Variants in NRG3 observed in about 807,000 individuals in gnomAD.
NRG3 encodes the protein neuregulin 3, also known as pro-neuregulin-3, membrane-bound isoform.
A neutral mutation model predicts 66.9 loss-of-function variants in NRG3; 31 were observed. The ratio of observed to expected loss-of-function variants is 0.46; its 90% CI spans 0.35 to 0.63. NRG3 has a LOEUF of 0.63. Among genes scored for constraint, NRG3 ranks in the 20% least tolerant of loss-of-function variants. The pLI is 0.00. For missense variants in NRG3, 910 were observed against 878.9 expected (o/e 1.04, Z -0.45); for synonymous variants, 393 against 359.4 (o/e 1.09, Z -1.06).
intron 4 of NRG3, among the ~76,000 whole-genome samples, chr10:82,878,070 C>T (rs1035293310): frequency 3.3e-5 from 5 of 151,930 alleles, no homozygotes; most frequent in East Asian, 1.9e-4. Flanking sequence ...CAGAATAGTT[C>T]GGGCCATTTT....
Position 82,891,985 on chromosome 10 carries a change from A to G in NRG3, c.1054+26548A>G, listed in dbSNP as rs190575684. On this transcript the variant is annotated intron_variant, in intron 4 of 8. Coordinates refer to ENST00000372141, the MANE Select transcript of NRG3 (RefSeq NM_001010848.4). Reference sequence around the variant, plus strand: ...AAAAAATTTTAAAAATTATAAATATATATTGTTTTACTCAATCTATTTGTA... The same window carrying G: ...AAAAAATTTTAAAAATTATAAATATGTATTGTTTTACTCAATCTATTTGTA... Among the ~76,000 whole-genome samples, 382 of 152,104 alleles carry G rather than the reference A, an allele frequency of 2.5e-3. 8 individuals are homozygous for G. The highest frequency in any genetic ancestry group is 8.4e-3 in the African/African-American group (350 of 41,524).
At chr10:82,034,013 A>G (rs1219981447) in intron 1 of NRG3, among the ~76,000 whole-genome samples, 2 of 152,138 alleles carry the variant, frequency 1.3e-5, no homozygotes, top group Admixed American at 6.5e-5. Context: ...CTTAGAAATG[A>G]TTTAAAGTAG....
chr10:82,080,043 G>A (rs2065301009), intron 1 of NRG3, among the ~76,000 whole-genome samples: 1 of 152,042 alleles, frequency 6.6e-6, no homozygotes, highest in Admixed American at 6.5e-5. Context: ...AATCACAAAA[G>A]AACAGTCAGT....
intron 3 of NRG3, among the ~76,000 whole-genome samples, chr10:82,742,354 G>C (rs1460142724): frequency 6.6e-6 from 1 of 151,934 alleles, no homozygotes; most frequent in Non-Finnish European, 1.5e-5. Context: ...TTCAGAGCTG[G>C]GTCCTCAGAC....
chr10:82,065,942 A>T (rs2064431792), intron 1 of NRG3, among the ~76,000 whole-genome samples: 1 of 152,184 alleles, frequency 6.6e-6, no homozygotes, highest in African/African-American at 2.4e-5. Context: ...CTCACATTTC[A>T]ATTTAGAAAT....
chr10:81,962,682 T>C (rs1031395007), intron 1 of NRG3, among the ~76,000 whole-genome samples: 1 of 152,202 alleles, frequency 6.6e-6, no homozygotes, highest in East Asian at 1.9e-4. Flanking sequence ...CAGGGAAAGC[T>C]TGGCTAGCGG....
chr10:82,942,082 A>G (rs1848626759), intron 4 of NRG3, among the ~76,000 whole-genome samples: 1 of 151,812 alleles, frequency 6.6e-6, no homozygotes, highest in South Asian at 2.1e-4. Context: ...AGTTGAGCTC[A>G]GTGTCTTTTA....
chr10:82,926,389 T>C (rs182238532), intron 4 of NRG3, among the ~76,000 whole-genome samples: 1 of 152,314 alleles, frequency 6.6e-6, no homozygotes, highest in East Asian at 1.9e-4. Context: ...CTGTGCTATA[T>C]TGTGATGAAG....
intron 2 of NRG3, among the ~76,000 whole-genome samples, chr10:82,599,065 GA>G (rs1429340116): frequency 6.6e-6 from 1 of 151,898 alleles, no homozygotes; most frequent in African/African-American, 2.4e-5. Flanking sequence ...AGAAAAAAAA[GA>G]AGAAAGAAAA....
intron 2 of NRG3, among the ~76,000 whole-genome samples, chr10:82,420,239 T>C (rs1317141504): frequency 6.6e-6 from 1 of 152,158 alleles, no homozygotes; most frequent in African/African-American, 2.4e-5. Flanking sequence ...AGAGATCTTG[T>C]CACACTAAGT....
intron 1 of NRG3, among the ~76,000 whole-genome samples, chr10:82,333,888 AAG>A (rs2082259263): frequency 2.0e-5 from 3 of 152,140 alleles, no homozygotes; most frequent in Non-Finnish European, 4.4e-5. Context: ...GGGAGAAGGA[AAG>A]AGAGAAAAAG....
At chr10:82,479,658 C>CTT (rs1842082555) in intron 2 of NRG3, among the ~76,000 whole-genome samples, 1 of 92,942 alleles carries the variant, frequency 1.1e-5, no homozygotes, top group South Asian at 4.5e-4. Context: ...GAGCAAAACT[C>CTT]TGTCTCAAAA....
chr10:82,941,839 G>C (rs1224526068), intron 4 of NRG3, among the ~76,000 whole-genome samples: 1 of 152,152 alleles, frequency 6.6e-6, no homozygotes, highest in Non-Finnish European at 1.5e-5. Flanking sequence ...GGATAGAAAG[G>C]AGCCTCTGAG....
intron 2 of NRG3, among the ~76,000 whole-genome samples, chr10:82,622,156 A>G (rs950806604): frequency 6.6e-6 from 1 of 152,180 alleles, no homozygotes; most frequent in Non-Finnish European, 1.5e-5. Flanking sequence ...ATAATTTCAC[A>G]TTTAGAAGCT....
intron 2 of NRG3, among the ~76,000 whole-genome samples, chr10:82,503,759 TA>T (rs1844414315): frequency 6.6e-6 from 1 of 152,142 alleles, no homozygotes; most frequent in Non-Finnish European, 1.5e-5. Context: ...ACTAAACATT[TA>T]ATATCCCAAA....
intron 4 of NRG3, among the ~76,000 whole-genome samples, chr10:82,865,849 A>G (rs748095367): frequency 6.6e-6 from 1 of 152,114 alleles, no homozygotes; most frequent in African/African-American, 2.4e-5. Flanking sequence ...CAGTTTTTAA[A>G]TTTTTACTTC....
At chr10:82,034,203 A>G (rs1589850953) in intron 1 of NRG3, among the ~76,000 whole-genome samples, 1 of 152,288 alleles carries the variant, frequency 6.6e-6, no homozygotes, top group East Asian at 1.9e-4. Flanking sequence ...TAAATTACTT[A>G]GCATTAAGTC....
chr10:82,772,493 TTAA>T lies in NRG3; in HGVS notation c.1027+33847_1027+33849del, dbSNP rs1249835272. ...CCCCTTTCCCCACTCCCTTGTGCCC[TTAA>T]TAACCACTGTTTTATTCTATATCTC... On this transcript the variant is annotated intron_variant, in intron 3 of 8. Coordinates refer to ENST00000372141, the MANE Select transcript of NRG3 (RefSeq NM_001010848.4). 1.1e-4 allele frequency among the ~76,000 whole-genome samples: 16 copies of T among 152,252 alleles called. No homozygotes were observed. The East Asian group carries it at 2.3e-3, about 22-fold the overall frequency.
intron 2 of NRG3, among the ~76,000 whole-genome samples, chr10:82,567,130 C>T (rs991775001): frequency 1.3e-5 from 2 of 151,892 alleles, no homozygotes; most frequent in African/African-American, 4.8e-5. Context: ...GTTCTTAATT[C>T]TTCATATTGG....
Sources: gnomAD v4.1 joint callset for allele counts (sites outside exome capture counted in the v4.1 genomes callset) on GRCh38, gnomAD v4.1.1 for gene constraint, MANE v1.5 for transcripts, NCBI Gene and HGNC (gene_info 2026-07-23, HGNC 2026-07-21) for gene names.